The following ZHX1 variants were observed in gnomAD, a reference collection of about 807,000 sequenced individuals.
ZHX1 encodes zinc fingers and homeoboxes 1.
Under a neutral mutation model 61.8 loss-of-function variants are expected in ZHX1, and 20 were observed. The observed-to-expected ratio is 0.32, with a 90% CI of 0.23 to 0.47. The LOEUF (loss-of-function observed/expected upper bound fraction) is 0.47, where lower values mean the gene tolerates loss of function less well. ZHX1 is among the 20% of genes least tolerant of loss of function. The pLI is 1.00. For synonymous variants in ZHX1, 318 were observed against 352.6 expected (o/e 0.90, Z 1.10); for missense variants, 800 against 1,034.8 (o/e 0.77, Z 3.11).
intron 3 of ZHX1, among the ~76,000 whole-genome samples, chr8:123,251,176 C>T (rs1176299021): frequency 2.0e-5 from 3 of 152,118 alleles, no homozygotes; most frequent in South Asian, 2.1e-4. Context: ...CATCCCCTTT[C>T]GCTCTCTCTC....
At chr8:123,262,738 T>A (rs1425763779) in intron 2 of ZHX1, 8 of 152,208 alleles carry the variant, frequency 5.3e-5, no homozygotes, top group Admixed American at 5.2e-4. Flanking sequence ...TAGACTAAAA[T>A]ATTTCTATGG....
chr8:123,250,103 T>G lies in ZHX1; in HGVS notation c.*221A>C, dbSNP rs112197376. Reference sequence around the variant, plus strand: ...ATTTAAATTGCATTTTTACAAGTTGTTTTTTAATTAGTGTTCTATTTACAT... The same window carrying G: ...ATTTAAATTGCATTTTTACAAGTTGGTTTTTAATTAGTGTTCTATTTACAT... On this transcript the variant is annotated 3_prime_UTR_variant, in exon 4 of 4. Coordinates refer to ENST00000395571, the MANE Select transcript of ZHX1 (RefSeq NM_007222.5). The G allele has an allele frequency of 1.8e-3, 677 of 366,776 alleles. 5 individuals are homozygous for G. The highest frequency in any genetic ancestry group is 0.013 in the African/African-American group (601 of 46,026). The allele number at this position is 366,776 out of a possible 1,614,324, so 22.7% of individuals were successfully genotyped here. A position where few individuals can be genotyped will look rare whatever the true frequency, so the allele number is the denominator to read the frequency against.
chr8:123,252,627 G>C (rs1176926494), intron 3 of ZHX1: 1 of 152,120 alleles, frequency 6.6e-6, no homozygotes, highest in Non-Finnish European at 1.5e-5. Flanking sequence ...AGTTTTCAAA[G>C]ACAGATGCCG....
At chr8:123,271,124 T>C (rs1826639242) in intron 1 of ZHX1, among the ~76,000 whole-genome samples, 1 of 152,202 alleles carries the variant, frequency 6.6e-6, no homozygotes, top group Non-Finnish European at 1.5e-5. Context: ...TATTGATGAC[T>C]ACAAATATAT....
At chr8:123,269,402 G>A (rs976836213) in intron 1 of ZHX1, among the ~76,000 whole-genome samples, 1 of 152,170 alleles carries the variant, frequency 6.6e-6, no homozygotes, top group Non-Finnish European at 1.5e-5. Flanking sequence ...TTAAGTTCCT[G>A]ATACTGGGAT....
At chr8:123,267,760 G>A (rs1021897203) in intron 1 of ZHX1, among the ~76,000 whole-genome samples, 9 of 152,142 alleles carry the variant, frequency 5.9e-5, no homozygotes, top group African/African-American at 9.7e-5. Context: ...CCAGCACTTC[G>A]GGAGGCCAAG....
chr8:123,258,572 T>C (rs1305437135), intron 2 of ZHX1, among the ~76,000 whole-genome samples: 1 of 152,206 alleles, frequency 6.6e-6, no homozygotes, highest in African/African-American at 2.4e-5. Context: ...ATCTCATTAA[T>C]GTTGCATTCC....
intron 2 of ZHX1, among the ~76,000 whole-genome samples, chr8:123,259,011 C>T (rs1181599925): frequency 6.6e-6 from 1 of 152,152 alleles, no homozygotes; most frequent in Non-Finnish European, 1.5e-5. Context: ...GACAATACAT[C>T]TAGTCAGTAA....
At chr8:123,250,691 A>C (rs1825892830) in intron 3 of ZHX1, among the ~76,000 whole-genome samples, 1 of 152,194 alleles carries the variant, frequency 6.6e-6, no homozygotes, top group Non-Finnish European at 1.5e-5. Context: ...TGTAATAACT[A>C]TTTTGGGAAG....
At chr8:123,272,562 T>C (rs1769515026) in intron 1 of ZHX1, among the ~76,000 whole-genome samples, 1 of 152,218 alleles carries the variant, frequency 6.6e-6, no homozygotes, top group African/African-American at 2.4e-5. Context: ...AATTTCCCTG[T>C]TAAAACCAAC....
In ZHX1 at chr8:123,255,992, G is replaced by A. The variant is rs769051408; in HGVS notation, c.-46C>T. 6.6e-7 allele frequency: 1 copy of A among 1,517,476 alleles called. No individual in the cohort carries two copies. The highest frequency in any genetic ancestry group is 2.1e-5 in the Admixed American group (1 of 46,732). The allele number at this position is 1,517,476 out of a possible 1,614,324, so 94.0% of individuals were successfully genotyped here. On this transcript the variant is annotated 5_prime_UTR_variant, in exon 3 of 4. Transcript: ENST00000395571. Reference sequence around the variant, plus strand: ...CTCAGTGGTGATTAAAAAGCATCGAGGCTTAAAACTGTTCAGTGTTCTTCA... The same window carrying A: ...CTCAGTGGTGATTAAAAAGCATCGAAGCTTAAAACTGTTCAGTGTTCTTCA...
In ZHX1 at chr8:123,255,933, C is replaced by T; in HGVS notation, c.14G>A (p.Arg5Gln). The part of the protein sequence containing the change: MASR[R>Q]KSTTPCMVLA... ...GACCATGCAAGGTGTTGTTGATTTTCGCCTGCTTGCCATTCTGATGTTATG... is the reference window on the plus strand; with the variant it reads ...GACCATGCAAGGTGTTGTTGATTTTTGCCTGCTTGCCATTCTGATGTTATG... The change falls in exon 3 of 4, where the codon CGA becomes CAA. Residue 5 changes from arginine to glutamine, a missense_variant. Coordinates refer to ENST00000395571, the MANE Select transcript of ZHX1 (RefSeq NM_007222.5). The T allele has an allele frequency of 3.1e-6, 5 of 1,603,158 alleles. No homozygotes were observed. Among genetic ancestry groups the T allele is most frequent in the Non-Finnish European group, 4.3e-6 (5 of 1,174,088 alleles).
chr8:123,256,236 G>A (rs1288588003), intron 2 of ZHX1, 65 bp from the exon 3 acceptor site: 1 of 246,730 alleles, frequency 4.1e-6, no homozygotes, highest in African/African-American at 2.2e-5. Flanking sequence ...ACAAATTATA[G>A]TTATAGTTCA....
intron 2 of ZHX1, among the ~76,000 whole-genome samples, chr8:123,266,862 G>A (rs934307026): frequency 6.6e-6 from 1 of 152,042 alleles, no homozygotes; most frequent in African/African-American, 2.4e-5. Context: ...TACAGTTTCA[G>A]AATTTGTTCT....
intron 2 of ZHX1, among the ~76,000 whole-genome samples, chr8:123,261,906 C>T (rs1460242563): frequency 6.6e-6 from 1 of 152,132 alleles, no homozygotes. Flanking sequence ...TCTAGGATGT[C>T]GTTCCTATTC....
At chr8:123,275,427 G>A (rs1826810317), upstream of ZHX1, 1 of 152,610 alleles carries the variant, frequency 6.6e-6, no homozygotes, top group African/African-American at 2.4e-5. Context: ...CCCAGTCGCG[G>A]ACCCTTTGTG....
intron 1 of ZHX1, among the ~76,000 whole-genome samples, chr8:123,269,712 A>G (rs1826580605): frequency 6.6e-6 from 1 of 152,334 alleles, no homozygotes; most frequent in South Asian, 2.1e-4. Flanking sequence ...TATTTACTTA[A>G]TAGGGTTGTT....
At chr8:123,266,678 T>A (rs1339405377) in intron 2 of ZHX1, among the ~76,000 whole-genome samples, 1 of 152,162 alleles carries the variant, frequency 6.6e-6, no homozygotes, top group Non-Finnish European at 1.5e-5. Context: ...ATAACAAGGT[T>A]TGAGAAAGGC....
upstream of ZHX1, among the ~76,000 whole-genome samples, chr8:123,275,178 C>A (rs1326441162): frequency 6.6e-6 from 1 of 152,242 alleles, no homozygotes; most frequent in African/African-American, 2.4e-5. Context: ...GCTTCACATC[C>A]CGTCGGCTTT....
Sources: gnomAD v4.1 joint callset for allele counts (sites outside exome capture counted in the v4.1 genomes callset) on GRCh38, gnomAD v4.1.1 for gene constraint, MANE v1.5 for transcripts, NCBI Gene and HGNC (gene_info 2026-07-23, HGNC 2026-07-21) for gene names.